Variants in PRMT8 observed in about 807,000 individuals in gnomAD.
PRMT8 encodes protein arginine methyltransferase 8.
Under a neutral mutation model 47.1 loss-of-function variants are expected in PRMT8, and 7 were observed. The ratio of observed to expected loss-of-function variants is 0.15; its 90% CI spans 0.08 to 0.28. PRMT8 has a LOEUF of 0.28. Ranked by LOEUF, PRMT8 falls within the 10% of genes least tolerant of loss-of-function variation. The pLI is 1.00. For missense variants in PRMT8, 237 were observed against 505.4 expected, an observed-to-expected ratio of 0.47 and a Z score of 5.09; for synonymous variants, 188 against 186.5, an observed-to-expected ratio of 1.01 and a Z score of -0.07.
At chr12:3,571,189 A>C (rs73243704) in intron 6 of PRMT8, among the ~76,000 whole-genome samples, 4,897 of 152,252 alleles carry the variant, frequency 0.032, 251 homozygotes, top group African/African-American at 0.11. Context: ...CTGGCAAGTG[A>C]GCCTGACTGC....
chr12:3,433,964 A>G (rs1043521259), intron 1 of PRMT8, among the ~76,000 whole-genome samples: 8 of 152,204 alleles, frequency 5.3e-5, no homozygotes, highest in Non-Finnish European at 1.2e-4. Flanking sequence ...ATAGCCCAAC[A>G]TTACTCTTAT....
chr12:3,543,578 G>A (rs571664732), intron 2 of PRMT8, among the ~76,000 whole-genome samples: 8 of 152,192 alleles, frequency 5.3e-5, no homozygotes, highest in East Asian at 1.9e-4. Flanking sequence ...TTGAGGAAAC[G>A]TGGTGCGGAT....
At chr12:3,425,140 G>A (rs996663230) in intron 1 of PRMT8, among the ~76,000 whole-genome samples, 2 of 152,356 alleles carry the variant, frequency 1.3e-5, no homozygotes, top group African/African-American at 4.8e-5. Context: ...AGGTGGCAGG[G>A]TTCAGAGTAT....
intron 1 of PRMT8, among the ~76,000 whole-genome samples, chr12:3,470,889 T>A (rs1247602459): frequency 6.6e-6 from 1 of 151,684 alleles, no homozygotes; most frequent in Non-Finnish European, 1.5e-5. Context: ...TATTTTGGAG[T>A]TTTTAAAGAT....
At chr12:3,472,623 C>G (rs1865172140) in intron 1 of PRMT8, among the ~76,000 whole-genome samples, 1 of 152,178 alleles carries the variant, frequency 6.6e-6, no homozygotes, top group Non-Finnish European at 1.5e-5. Context: ...TGTTTTCTAG[C>G]ACAGGGCCTG....
chr12:3,402,417 C>A (rs1426376100), intron 1 of PRMT8, among the ~76,000 whole-genome samples: 2 of 152,054 alleles, frequency 1.3e-5, no homozygotes, highest in African/African-American at 4.8e-5. Context: ...TAGGCAGGGG[C>A]AAAGATTTCA....
chr12:3,471,762 A>T (rs942378110), intron 1 of PRMT8, among the ~76,000 whole-genome samples: 5 of 151,766 alleles, frequency 3.3e-5, no homozygotes, highest in African/African-American at 1.2e-4. Flanking sequence ...CCTTGTAAGT[A>T]CCCACTTCCA....
Position 3,566,735 on chromosome 12 carries a change from T to C in PRMT8, c.482-1971T>C, listed in dbSNP as rs1466903285. On this transcript the variant is annotated intron_variant, in intron 4 of 9. Transcript: ENST00000382622. The surrounding 1 kb of genome is among the most constrained non-coding windows in gnomAD (Gnocchi z 4.7). ...CAGATTCTAGGCAGATGTGGTTCTT[T>C]TGATTTTTACTCCTAAGTACAGGCC... 2.0e-5 allele frequency among the ~76,000 whole-genome samples: 3 copies of C among 152,250 alleles called. No homozygotes were observed. Among genetic ancestry groups the C allele is most frequent in the Non-Finnish European group, 4.4e-5 (3 of 68,044 alleles).
intron 3 of PRMT8, 160 bp from the exon 4 acceptor site, chr12:3,553,491 G>A: frequency 1.5e-6 from 1 of 654,480 alleles, no homozygotes; most frequent in Non-Finnish European, 2.7e-6. Flanking sequence ...TTGAGGTGGG[G>A]GGGCTGGGTT....
intron 1 of PRMT8, among the ~76,000 whole-genome samples, chr12:3,450,579 C>G (rs973894645): frequency 2.0e-5 from 3 of 152,142 alleles, no homozygotes; most frequent in Non-Finnish European, 1.5e-5. Flanking sequence ...GAGAAAATGG[C>G]TATCAAACAC....
chr12:3,539,020 A>G (rs1866173214), intron 1 of PRMT8, among the ~76,000 whole-genome samples: 2 of 152,152 alleles, frequency 1.3e-5, no homozygotes, highest in African/African-American at 4.8e-5. Context: ...GAGTGATTCC[A>G]CGGAGGGGTT....
chr12:3,461,692 G>A (rs1474178801), intron 1 of PRMT8, among the ~76,000 whole-genome samples: 1 of 150,378 alleles, frequency 6.6e-6, no homozygotes, highest in Non-Finnish European at 1.5e-5. Flanking sequence ...CCAAGCTTCA[G>A]ACAGAGAAGC....
intron 4 of PRMT8, among the ~76,000 whole-genome samples, chr12:3,560,795 T>C (rs1342389835): frequency 6.6e-6 from 1 of 152,162 alleles, no homozygotes. Flanking sequence ...TGCAACTTAA[T>C]GGTAGGGAGG....
chr12:3,517,081 C>T (rs550306602), intron 1 of PRMT8, among the ~76,000 whole-genome samples: 3 of 152,258 alleles, frequency 2.0e-5, no homozygotes, highest in East Asian at 3.9e-4. Flanking sequence ...CAATAGGCAA[C>T]GTCCAGGAAA....
chr12:3,469,176 G>A, intron 1 of PRMT8: 3 of 488,942 alleles, frequency 6.1e-6, no homozygotes, highest in South Asian at 3.1e-5. Flanking sequence ...TCCTGTGTGA[G>A]TGTGCAATTC....
intron 1 of PRMT8, among the ~76,000 whole-genome samples, chr12:3,517,257 G>A (rs144279668): frequency 1.3e-5 from 2 of 152,286 alleles, no homozygotes; most frequent in East Asian, 3.9e-4. Context: ...GGGTCTCTGA[G>A]TCCATTCCTT....
At chr12:3,527,341 C>T (rs1865962933) in intron 1 of PRMT8, among the ~76,000 whole-genome samples, 1 of 151,988 alleles carries the variant, frequency 6.6e-6, no homozygotes, top group Non-Finnish European at 1.5e-5. Context: ...AATGGGCGGG[C>T]AGCATATACA....
rs141920868 is a variant in PRMT8 at position 3,405,438 on chromosome 12, A to G, written c.48+23996A>G. 6.6e-5 allele frequency among the ~76,000 whole-genome samples: 10 copies of G among 152,304 alleles called. No homozygotes were observed. The East Asian group carries it at 1.9e-3, about 29-fold the overall frequency. ...TGTCTTCACATTTCAAAATGCAATC[A>G]TGCCCTTCTAACAGTCCCCCCAAAT... On this transcript the variant is annotated intron_variant, in intron 1 of 9. Transcript: ENST00000452611.
intron 2 of PRMT8, among the ~76,000 whole-genome samples, chr12:3,545,923 G>A (rs1591595581): frequency 1.3e-5 from 2 of 152,200 alleles, no homozygotes; most frequent in African/African-American, 4.8e-5. Flanking sequence ...TTATTTTCAA[G>A]TGCACGTGGG....
Sources: gnomAD v4.1 joint callset for allele counts (sites outside exome capture counted in the v4.1 genomes callset) on GRCh38, gnomAD v4.1.1 for gene constraint, Gnocchi (gnomAD v3.1) non-coding constraint, MANE v1.5 for transcripts, NCBI Gene and HGNC (gene_info 2026-07-23, HGNC 2026-07-21) for gene names.